The following DACH1 variants were observed in gnomAD, a reference collection of about 807,000 sequenced individuals.
DACH1 encodes dachshund homolog 1.
Under a neutral mutation model 54.2 loss-of-function variants are expected in DACH1, and 12 were observed. The observed-to-expected ratio is 0.22, with a 90% CI of 0.14 to 0.36. The LOEUF is 0.36. Among genes scored for constraint, DACH1 ranks in the 10% least tolerant of loss-of-function variants. DACH1 has a pLI of 1.00. For missense variants in DACH1, 805 were observed against 929.8 expected, an observed-to-expected ratio of 0.87 and a Z score of 1.75; for synonymous variants, 386 against 366.2, an observed-to-expected ratio of 1.05 and a Z score of -0.62.
intron 3 of DACH1, among the ~76,000 whole-genome samples, chr13:71,607,713 T>C (rs1874977404): frequency 6.6e-6 from 1 of 152,064 alleles, no homozygotes; most frequent in South Asian, 2.1e-4. Flanking sequence ...ACTGAGCATA[T>C]ACAAAGATTA....
At chr13:71,591,329 T>C (rs952998716) in intron 3 of DACH1, among the ~76,000 whole-genome samples, 1 of 152,144 alleles carries the variant, frequency 6.6e-6, no homozygotes, top group Admixed American at 6.5e-5. Context: ...ATGAGCTTTT[T>C]TTATAATCCA....
intron 1 of DACH1, among the ~76,000 whole-genome samples, chr13:71,857,258 C>G (rs1319906750): frequency 6.6e-6 from 1 of 151,640 alleles, no homozygotes; most frequent in Non-Finnish European, 1.5e-5. Context: ...ATAATTATAT[C>G]TAAAATATTT....
chr13:71,799,793 A>G (rs1887216184), intron 1 of DACH1, among the ~76,000 whole-genome samples: 1 of 152,100 alleles, frequency 6.6e-6, no homozygotes, highest in Non-Finnish European at 1.5e-5. Context: ...GCCAAAAGGA[A>G]AAAATATGGG....
chr13:71,534,972 G>A (rs920730192), intron 6 of DACH1, among the ~76,000 whole-genome samples: 4 of 151,770 alleles, frequency 2.6e-5, no homozygotes. Flanking sequence ...TGAAAGAGGT[G>A]AGGAACAAGC....
chr13:71,556,768 T>C (rs1272406210), intron 6 of DACH1, among the ~76,000 whole-genome samples: 3 of 152,030 alleles, frequency 2.0e-5, no homozygotes, highest in Non-Finnish European at 4.4e-5. Context: ...GAGATAACAA[T>C]TGGGACTTTT....
At chr13:71,467,364 G>A (rs1222279149) in intron 10 of DACH1, among the ~76,000 whole-genome samples, 1 of 112,288 alleles carries the variant, frequency 8.9e-6, no homozygotes, top group African/African-American at 3.3e-5. Context: ...TGGGGGGAGG[G>A]GGGAGGGATA....
chr13:71,863,844 A>G (rs991717224), intron 1 of DACH1, among the ~76,000 whole-genome samples: 1 of 149,434 alleles, frequency 6.7e-6, no homozygotes, highest in African/African-American at 2.5e-5. Context: ...GCTGTAAGAA[A>G]CACATAAAGA....
chr13:71,450,005 C>A (rs1874879073), intron 10 of DACH1, among the ~76,000 whole-genome samples: 1 of 151,866 alleles, frequency 6.6e-6, no homozygotes, highest in African/African-American at 2.4e-5. Context: ...GCCAACATGG[C>A]ACATGTATAC....
chr13:71,547,669 G>C (rs1247837239), intron 6 of DACH1, among the ~76,000 whole-genome samples: 1 of 152,106 alleles, frequency 6.6e-6, no homozygotes, highest in Non-Finnish European at 1.5e-5. Flanking sequence ...GTTTTCTATA[G>C]CAGGTGGGCA....
intron 1 of DACH1, among the ~76,000 whole-genome samples, chr13:71,698,754 A>G (rs1034262807): frequency 1.3e-5 from 2 of 152,066 alleles, no homozygotes; most frequent in Non-Finnish European, 2.9e-5. Flanking sequence ...GGCTATCAGT[A>G]TTTTCCTCTT....
intron 2 of DACH1, among the ~76,000 whole-genome samples, chr13:71,680,331 G>T (rs548573196): frequency 6.6e-6 from 1 of 152,076 alleles, no homozygotes; most frequent in East Asian, 1.9e-4. Context: ...GCTGGGTATG[G>T]TGGCTCATGC....
At chr13:71,701,756 A>G (rs1882147077) in intron 1 of DACH1, among the ~76,000 whole-genome samples, 2 of 152,180 alleles carry the variant, frequency 1.3e-5, no homozygotes, top group South Asian at 4.1e-4. Context: ...AAGTAAACAG[A>G]AAAGTAAATT....
At chr13:71,811,358 T>A (rs1887701397) in intron 1 of DACH1, among the ~76,000 whole-genome samples, 1 of 152,168 alleles carries the variant, frequency 6.6e-6, no homozygotes, top group East Asian at 1.9e-4. Context: ...TATTACAGAT[T>A]AAATATTTTT....
intron 4 of DACH1, among the ~76,000 whole-genome samples, chr13:71,560,431 T>G (rs1884512994): frequency 6.6e-6 from 1 of 152,174 alleles, no homozygotes; most frequent in Non-Finnish European, 1.5e-5. Context: ...TATTCCATCC[T>G]AGTACTGCTC....
intron 1 of DACH1, among the ~76,000 whole-genome samples, chr13:71,731,217 T>G (rs2137911587): frequency 6.6e-6 from 1 of 152,104 alleles, no homozygotes; most frequent in East Asian, 1.9e-4. Flanking sequence ...TTGAGTCTAT[T>G]ACTAGATTAC....
chr13:71,607,561 T>G (rs939624572), intron 3 of DACH1, among the ~76,000 whole-genome samples: 2 of 152,060 alleles, frequency 1.3e-5, no homozygotes, highest in Admixed American at 6.6e-5. Context: ...TGAATAAGAA[T>G]TGTCTCTTAG....
rs118190025 is a variant in DACH1 at position 71,836,573 on chromosome 13, A to T, written c.848+29349T>A. 3.9e-4 allele frequency among the ~76,000 whole-genome samples: 60 copies of T among 152,242 alleles called. 2 individuals are homozygous for T. The East Asian group carries it at 0.01, about 26-fold the overall frequency. On this transcript the variant is annotated intron_variant, in intron 1 of 10. Transcript: ENST00000613252. ...ACTTGTAGATAATGCAAAGCTTTAT[A>T]GCATTAACTCTGATCCATACTTCCT...
intron 7 of DACH1, among the ~76,000 whole-genome samples, chr13:71,480,480 T>C (rs1877935613): frequency 1.3e-5 from 2 of 152,200 alleles, no homozygotes; most frequent in South Asian, 2.1e-4. Context: ...GTTAAACATA[T>C]AAAAAGCATT....
chr13:71,770,523 T>C lies in DACH1; in HGVS notation c.849-88613A>G, dbSNP rs536807379. Among the ~76,000 whole-genome samples, 5 of 151,730 alleles carry C rather than the reference T, an allele frequency of 3.3e-5. No homozygotes were observed. The East Asian group carries it at 9.7e-4, about 29-fold the overall frequency. ...TCCAGTAACATTTCATTTTCTTCAA[T>C]CTGAAGCTCAAGAAGGAAAGAACGC... On this transcript the variant is annotated intron_variant, in intron 1 of 10. Coordinates refer to ENST00000613252, the MANE Select transcript of DACH1 (RefSeq NM_080759.6).
Sources: gnomAD v4.1 joint callset for allele counts (sites outside exome capture counted in the v4.1 genomes callset) on GRCh38, gnomAD v4.1.1 for gene constraint, MANE v1.5 for transcripts, NCBI Gene and HGNC (gene_info 2026-07-23, HGNC 2026-07-21) for gene names.